The following ABCA13 variants were observed in gnomAD, a reference collection of about 807,000 sequenced individuals.
ABCA13 encodes ATP binding cassette subfamily A member 13.
A neutral mutation model predicts 478.7 loss-of-function variants in ABCA13; 476 were observed. That is an observed-to-expected ratio of 0.99 (90% CI 0.92 to 1.07). The LOEUF is 1.07. Ranked by LOEUF, ABCA13 falls within the 50% of genes least tolerant of loss-of-function variation. ABCA13 has a pLI of 0.00. For synonymous variants in ABCA13, 2,252 were observed against 2,158.9 expected (o/e 1.04, Z -1.20); for missense variants, 6,060 against 5,910.6 (o/e 1.03, Z -0.83).
At chr7:48,466,098 T>A (rs907511509) in intron 43 of ABCA13, among the ~76,000 whole-genome samples, 1 of 152,222 alleles carries the variant, frequency 6.6e-6, no homozygotes, top group African/African-American at 2.4e-5. Flanking sequence ...GTAAGAAATC[T>A]ATACTCTTTT....
intron 42 of ABCA13, among the ~76,000 whole-genome samples, chr7:48,440,391 T>A (rs529128706): frequency 1.3e-5 from 2 of 152,176 alleles, no homozygotes; most frequent in Non-Finnish European, 2.9e-5. Context: ...TTTCTAAGTA[T>A]TATTTTGTCT....
At chr7:48,344,513 C>T (rs1807751331) in intron 29 of ABCA13, among the ~76,000 whole-genome samples, 2 of 152,194 alleles carry the variant, frequency 1.3e-5, no homozygotes, top group South Asian at 4.1e-4. Context: ...GGCTTGGCCC[C>T]ACATTAGTGT....
intron 31 of ABCA13, among the ~76,000 whole-genome samples, chr7:48,356,465 G>C (rs985916633): frequency 2.6e-5 from 4 of 151,684 alleles, no homozygotes; most frequent in African/African-American, 4.9e-5. Context: ...GTATAAACGG[G>C]GGGGACAGCT....
At chr7:48,625,477 G>A (rs982953008) in intron 59 of ABCA13, among the ~76,000 whole-genome samples, 2 of 152,150 alleles carry the variant, frequency 1.3e-5, no homozygotes, top group African/African-American at 4.8e-5. Context: ...TTCACCTGCT[G>A]CTACTAACCA....
intron 42 of ABCA13, among the ~76,000 whole-genome samples, chr7:48,436,076 C>T (rs1170559426): frequency 6.7e-6 from 1 of 149,656 alleles, no homozygotes; most frequent in Non-Finnish European, 1.5e-5. Context: ...TCAATTTTTT[C>T]AAAGAGTTCT....
intron 3 of ABCA13, among the ~76,000 whole-genome samples, chr7:48,200,917 G>C (rs1162092877): frequency 6.6e-6 from 1 of 152,236 alleles, no homozygotes; most frequent in Non-Finnish European, 1.5e-5. Flanking sequence ...CCAGCGCTTT[G>C]GGTTGTTGGG....
In ABCA13 at chr7:48,644,630, A is replaced by G. The variant is rs1795321192; in HGVS notation, c.14957A>G (p.Asn4986Ser). ...TTTTGCTTTTAGGGACAGCACCTGA[A>G]TTTATTAGAATATCATGTGCCAAAA... is the stretch of plus-strand genomic sequence containing the variant. ...PGIQFKGQHLNLLEYHVPKRW... is the reference protein window; with the variant it reads ...PGIQFKGQHLSLLEYHVPKRW... The change falls in exon 61 of 62, where the codon AAT becomes AGT. Residue 4986 changes from asparagine (N) to serine (S), a missense_variant. Asn to Ser is a conservative substitution (Grantham distance 46). Transcript: ENST00000435803. 2 of 1,601,614 alleles carry G rather than the reference A, an allele frequency of 1.2e-6. No homozygotes were observed. Among genetic ancestry groups the G allele is most frequent in the Non-Finnish European group, 1.7e-6 (2 of 1,175,726 alleles).
rs745957548 is a variant in ABCA13 at position 48,275,174 on chromosome 7, A to G, written c.5508A>G (p.Ser1836=). ...NHTNSGFRQN[S]KIDPCNVHGL... is the part of the protein sequence containing the mutation. Reference sequence around the variant, plus strand: ...CAAATTCTGGATTTCGGCAGAATTCAAAGATAGACCCCTGCAATGTCCATG... The same window carrying G: ...CAAATTCTGGATTTCGGCAGAATTCGAAGATAGACCCCTGCAATGTCCATG... Residue 1836 remains serine (S), a synonymous_variant, in exon 17 of 62, where the codon TCA becomes TCG. Coordinates refer to ENST00000435803, the MANE Select transcript of ABCA13 (RefSeq NM_152701.5). 4 of 1,613,928 alleles carry G rather than the reference A, an allele frequency of 2.5e-6. No individual in the cohort carries two copies. The Admixed American group carries it at 5.0e-5, about 20-fold the overall frequency.
intron 59 of ABCA13, among the ~76,000 whole-genome samples, chr7:48,635,275 A>C (rs1794544599): frequency 6.6e-6 from 1 of 151,178 alleles, no homozygotes; most frequent in Non-Finnish European, 1.5e-5. Flanking sequence ...CCCTTTGGGG[A>C]TAGATTAGCA....
chr7:48,415,400 G>C (rs550487745), intron 41 of ABCA13, among the ~76,000 whole-genome samples: 1 of 152,256 alleles, frequency 6.6e-6, no homozygotes, highest in African/African-American at 2.4e-5. Context: ...CATTCACCGG[G>C]TTAATCCGGT....
intron 58 of ABCA13, among the ~76,000 whole-genome samples, chr7:48,595,194 C>G (rs948270886): frequency 1.3e-5 from 2 of 152,162 alleles, no homozygotes; most frequent in Non-Finnish European, 2.9e-5. Context: ...GTAGAATTAG[C>G]TGAACTAAAA....
At position 48,376,186 on chromosome 7, in the gene ABCA13, G is replaced by A. The variant is rs186538638; in HGVS notation, c.11204-255G>A. On this transcript the variant is annotated intron_variant, in intron 34 of 61. Coordinates refer to ENST00000435803, the MANE Select transcript of ABCA13 (RefSeq NM_152701.5). ...GTAAATAAAACCAGATATGAGTAAG[G>A]TGACCTTTAAAACTTTTTAAAGTAT... 5.9e-3 allele frequency among the ~76,000 whole-genome samples: 896 copies of A among 152,166 alleles called. 6 individuals carry two copies. Among genetic ancestry groups the A allele is most frequent in the Non-Finnish European group, 7.4e-3 (503 of 68,004 alleles).
At chr7:48,625,150 C>A (rs1332292045) in intron 59 of ABCA13, among the ~76,000 whole-genome samples, 1 of 152,106 alleles carries the variant, frequency 6.6e-6, no homozygotes, top group East Asian at 1.9e-4. Context: ...CTCAAGCTAC[C>A]ACTGTCTGAG....
intron 60 of ABCA13, among the ~76,000 whole-genome samples, chr7:48,644,154 A>G (rs538201091): frequency 5.1e-4 from 77 of 152,312 alleles, no homozygotes; most frequent in African/African-American, 1.8e-3. Context: ...GTCACCCTAT[A>G]AAACAGACAT....
chr7:48,525,250 T>C (rs1417070573), intron 54 of ABCA13, among the ~76,000 whole-genome samples: 3 of 147,296 alleles, frequency 2.0e-5, no homozygotes, highest in Non-Finnish European at 4.5e-5. Flanking sequence ...TAAGAAAGGA[T>C]TTTTTTTTTT....
In ABCA13 at chr7:48,524,388, T is replaced by C. The variant is rs757435980; in HGVS notation, c.14192T>C (p.Phe4731Ser). The change falls in exon 54 of 62, where the codon TTC becomes TCC. Residue 4731 changes from phenylalanine (F) to serine (S), a missense_variant. Physicochemically the swap from Phe to Ser is radical, Grantham distance 155. Transcript: ENST00000435803. ...CTTAGTAAACATTATCGACGCTTTT[T>C]CCAGAATATTATTGCTGTGCAAGAT... ...YNLSKHYRRF[F>S]QNIIAVQDIS... 5 of 1,613,252 alleles carry C rather than the reference T, an allele frequency of 3.1e-6. No homozygotes were observed. Among genetic ancestry groups the C allele is most frequent in the Non-Finnish European group, 4.2e-6 (5 of 1,179,554 alleles).
intron 15 of ABCA13, 119 bp from the exon 16 acceptor site, chr7:48,268,850 CTTTTTTTTTTT>C (rs57201740): frequency 6.5e-5 from 16 of 245,564 alleles, no homozygotes; most frequent in South Asian, 3.5e-4. Flanking sequence ...TCCTACTCAT[CTTTTTTTTTTT>C]TTTTTTTTTT....
chr7:48,391,491 T>G (rs1464505302), intron 37 of ABCA13, among the ~76,000 whole-genome samples: 1 of 152,218 alleles, frequency 6.6e-6, no homozygotes, highest in Non-Finnish European at 1.5e-5. Flanking sequence ...GCAAGAGATA[T>G]TCAACACCTT....
chr7:48,222,326 T>C (rs1453907008), intron 5 of ABCA13, among the ~76,000 whole-genome samples: 1 of 152,206 alleles, frequency 6.6e-6, no homozygotes, highest in African/African-American at 2.4e-5. Flanking sequence ...AAAGAAATTA[T>C]AATACCTGAT....
Sources: gnomAD v4.1 joint callset for allele counts (sites outside exome capture counted in the v4.1 genomes callset) on GRCh38, gnomAD v4.1.1 for gene constraint, MANE v1.5 for transcripts, NCBI Gene and HGNC (gene_info 2026-07-23, HGNC 2026-07-21) for gene names.